Variants in WASHC4 observed in about 807,000 individuals in gnomAD.
The protein encoded by WASHC4 is WASH complex subunit 7.
WASHC4 carries 86 observed loss-of-function variants against 166.6 expected under a neutral mutation model. That is an observed-to-expected ratio of 0.52 (90% confidence interval 0.43 to 0.62). The LOEUF (loss-of-function observed/expected upper bound fraction) is 0.62, where lower values mean the gene tolerates loss of function less well. Ranked by LOEUF, WASHC4 falls within the 20% of genes least tolerant of loss-of-function variation. The probability of loss-of-function intolerance (pLI) is 0.00; values close to 1 mark genes in which losing one functional copy is unlikely to be tolerated. For missense variants in WASHC4, 1,262 were observed against 1,382.4 expected, an observed-to-expected ratio of 0.91 and a Z score of 1.38; for synonymous variants, 446 against 451.6, an observed-to-expected ratio of 0.99 and a Z score of 0.16.
intron 25 of WASHC4, among the ~76,000 whole-genome samples, chr12:105,151,075 G>T (rs1337802113): frequency 6.7e-6 from 1 of 148,610 alleles, no homozygotes; most frequent in Non-Finnish European, 1.5e-5. Flanking sequence ...AACCTAGGAG[G>T]TGGAGGTTGC....
intron 15 of WASHC4, among the ~76,000 whole-genome samples, chr12:105,138,342 T>G (rs1281500929): frequency 6.8e-6 from 1 of 146,330 alleles, no homozygotes; most frequent in Non-Finnish European, 1.5e-5. Flanking sequence ...TTGGAAGTTT[T>G]AAAAAGGTTG....
At chr12:105,130,281 G>A (rs1881678740) in intron 13 of WASHC4, among the ~76,000 whole-genome samples, 1 of 152,190 alleles carries the variant, frequency 6.6e-6, no homozygotes, top group South Asian at 2.1e-4. Flanking sequence ...ATCCTATTCT[G>A]GTGCCTCTGC....
chr12:105,126,174 T>C (rs770120320), intron 11 of WASHC4, 47 bp downstream of exon 11: 1 of 1,612,700 alleles, frequency 6.2e-7, no homozygotes, highest in South Asian at 1.1e-5. Flanking sequence ...AATTTGCATT[T>C]CCTTAAAAGC....
At chr12:105,165,877 ATAC>A (rs1178946133) in intron 32 of WASHC4, among the ~76,000 whole-genome samples, 1 of 152,240 alleles carries the variant, frequency 6.6e-6, no homozygotes, top group Non-Finnish European at 1.5e-5. Context: ...AAATTTATAC[ATAC>A]TACATTTGTG....
In WASHC4 at chr12:105,131,706, GCTGT is replaced by G. The variant is rs150576175; in HGVS notation, c.1200-2059_1200-2056del. Among the ~76,000 whole-genome samples the G allele has an allele frequency of 3.2e-3, 484 of 152,224 alleles. 20 individuals are homozygous for G. In the East Asian group the frequency reaches 0.072, roughly 22 times the overall value. On this transcript the variant is annotated intron_variant, in intron 13 of 32. Coordinates refer to ENST00000332180, the MANE Select transcript of WASHC4 (RefSeq NM_015275.3). ...AGTGAAGGTGTTGCTCTAGGACTGT[GCTGT>G]CTGTTTTTAAAAAAGGACCAGGCTT... is the stretch of plus-strand genomic sequence containing the variant.
rs1363512252 is a variant in WASHC4 at position 105,156,732 on chromosome 12, C to T, written c.2765C>T (p.Ala922Val). Residue 922 changes from alanine (A) to valine (V), a missense_variant, in exon 27 of 33, where the codon GCT becomes GTT. Coordinates refer to ENST00000332180, the MANE Select transcript of WASHC4 (RefSeq NM_015275.3). ...TTTTTGTGTGGTTTTTAAGGTAATGCTATGGGCTATGTACGAATGATAAGA... is the reference window on the plus strand; with the variant it reads ...TTTTTGTGTGGTTTTTAAGGTAATGTTATGGGCTATGTACGAATGATAAGA... ...FRQLISQIGNAMGYVRMIRSG... is the reference protein window; with the variant it reads ...FRQLISQIGNVMGYVRMIRSG... The T allele has an allele frequency of 1.2e-6, 2 of 1,609,984 alleles. No individual in the cohort carries two copies. The highest frequency in any genetic ancestry group is 1.3e-5 in the African/African-American group (1 of 74,886).
At chr12:105,157,205 C>A in intron 27 of WASHC4, 31 bp from the exon 28 acceptor site, 1 of 1,118,586 alleles carries the variant, frequency 8.9e-7, no homozygotes, top group Non-Finnish European at 1.4e-6. Flanking sequence ...TTTACTTGAC[C>A]TAATAAATGC....
intron 10 of WASHC4, among the ~76,000 whole-genome samples, chr12:105,122,621 C>T (rs545836486): frequency 8.6e-5 from 13 of 151,972 alleles, no homozygotes; most frequent in Admixed American, 2.0e-4. Context: ...AGTCTTTCAT[C>T]GTCATTTTTC....
intron 14 of WASHC4, among the ~76,000 whole-genome samples, chr12:105,135,970 A>T (rs527269982): frequency 6.6e-6 from 1 of 152,216 alleles, no homozygotes; most frequent in South Asian, 2.1e-4. Flanking sequence ...TAATTTGAGG[A>T]TCTGGATATT....
chr12:105,118,837 C>T (rs1439702865), intron 7 of WASHC4, among the ~76,000 whole-genome samples: 1 of 152,134 alleles, frequency 6.6e-6, no homozygotes, highest in Non-Finnish European at 1.5e-5. Context: ...CTTTCCTCTA[C>T]ACGAATGGTT....
At chr12:105,113,387 C>T (rs918050272) in intron 2 of WASHC4, among the ~76,000 whole-genome samples, 4 of 151,880 alleles carry the variant, frequency 2.6e-5, no homozygotes, top group African/African-American at 7.3e-5. Flanking sequence ...GAAATCATCT[C>T]TTAGTTTTTA....
rs1326338862 is a variant in WASHC4 at position 105,149,615 on chromosome 12, G to A, written c.2515G>A (p.Val839Ile). 1 of 1,423,796 alleles carries A rather than the reference G, an allele frequency of 7.0e-7. No individual in the cohort carries two copies. Among genetic ancestry groups the A allele is most frequent in the East Asian group, 2.3e-5 (1 of 43,486 alleles). The allele number at this position is 1,423,796 out of a possible 1,614,324, so 88.2% of individuals were successfully genotyped here. A position where few individuals can be genotyped will look rare whatever the true frequency, so the allele number is the denominator to read the frequency against. Reference protein sequence around the residue: ...THGTGIMNTTVNFTYQFLKKK... With the variant: ...THGTGIMNTTINFTYQFLKKK... ...AACTTTTTGAATTTTAATTTTATAG[G>A]TTAATTTCACCTACCAGTTTTTGAA... The change falls in exon 25 of 33, where the codon GTT becomes ATT. Residue 839 changes from valine (V) to isoleucine (I), a missense_variant and splice_region_variant. Physicochemically the swap from Val to Ile is conservative, Grantham distance 29. Transcript: ENST00000332180.
At chr12:105,166,789 A>C in intron 32 of WASHC4, 75 bp from the exon 33 acceptor site, 17 of 1,067,366 alleles carry the variant, frequency 1.6e-5, no homozygotes, top group Non-Finnish European at 2.4e-5. Flanking sequence ...GCTCTTCTCA[A>C]ATTTCTTTTA....
intron 6 of WASHC4, among the ~76,000 whole-genome samples, chr12:105,117,370 A>G (rs1880285866): frequency 6.6e-6 from 1 of 152,250 alleles, no homozygotes; most frequent in South Asian, 2.1e-4. Context: ...ATGTAGTCTG[A>G]CAATACCTGT....
intron 24 of WASHC4, chr12:105,148,942 T>TC (rs1883519864): frequency 1.0e-6 from 1 of 985,096 alleles, no homozygotes. Context: ...ATTTTCTGAG[T>TC]CAAGGGCTTT....
chr12:105,117,909 T>C (rs1028714542), intron 6 of WASHC4, among the ~76,000 whole-genome samples: 14 of 152,360 alleles, frequency 9.2e-5, no homozygotes, highest in African/African-American at 3.4e-4. Flanking sequence ...CTAGGATAAG[T>C]GATACGACAT....
At chr12:105,129,858 T>C (rs541104649) in intron 13 of WASHC4, among the ~76,000 whole-genome samples, 14 of 152,344 alleles carry the variant, frequency 9.2e-5, no homozygotes, top group Admixed American at 3.3e-4. Flanking sequence ...CTCTCAACTC[T>C]ATGGCAGGCA....
At chr12:105,121,237 T>C in intron 9 of WASHC4, 33 bp downstream of exon 9, 1 of 1,295,030 alleles carries the variant, frequency 7.7e-7, no homozygotes, top group Non-Finnish European at 1.1e-6. Context: ...AAATGTTTCT[T>C]ACTTTGGTTA....
At chr12:105,125,550 T>TA (rs1289882872) in intron 10 of WASHC4, among the ~76,000 whole-genome samples, 1 of 152,170 alleles carries the variant, frequency 6.6e-6, no homozygotes, top group African/African-American at 2.4e-5. Flanking sequence ...TATATCAATT[T>TA]AAATGTTAGT....
Sources: allele counts gnomAD v4.1 joint callset (sites outside exome capture counted in the v4.1 genomes callset), GRCh38; gene constraint gnomAD v4.1.1; transcripts MANE v1.5; gene names NCBI Gene and HGNC (gene_info 2026-07-23, HGNC 2026-07-21).